PIRT: variants seen among roughly 807,000 people sequenced by gnomAD.
The protein encoded by PIRT is phosphoinositide interacting regulator of transient receptor potential channels.
In PIRT, 6 loss-of-function variants were observed where a neutral mutation model predicts 7.9. The observed-to-expected ratio is 0.76, with a 90% CI of 0.42 to 1.51. The LOEUF (loss-of-function observed/expected upper bound fraction) is 1.51. Among genes scored for constraint, PIRT ranks in the 40% most tolerant of loss-of-function variants. PIRT has a pLI of 0.01. For missense variants in PIRT, 170 were observed against 172.9 expected (o/e 0.98, Z 0.09); for synonymous variants, 78 against 71.8 (o/e 1.09, Z -0.44).
chr17:10,835,989 A>G (rs1433779905), intron 1 of PIRT, among the ~76,000 whole-genome samples: 1 of 147,012 alleles, frequency 6.8e-6, no homozygotes, highest in Non-Finnish European at 1.5e-5. Flanking sequence ...TGCAACCTCC[A>G]CCTCCCAGGT....
At chr17:10,832,139 C>A (rs540394593) in intron 1 of PIRT, among the ~76,000 whole-genome samples, 2 of 151,964 alleles carry the variant, frequency 1.3e-5, no homozygotes, top group East Asian at 3.9e-4. Context: ...ATAGTGGCTG[C>A]CTTTGGTGGG....
chr17:10,829,992 T>TATC (rs1905426580), intron 1 of PIRT, among the ~76,000 whole-genome samples: 3 of 151,304 alleles, frequency 2.0e-5, no homozygotes, highest in African/African-American at 7.4e-5. Context: ...TCTATCTATC[T>TATC]ATCTATCTAT....
At chr17:10,835,904 T>C (rs950177166) in intron 1 of PIRT, among the ~76,000 whole-genome samples, 9 of 98,684 alleles carry the variant, frequency 9.1e-5, no homozygotes, top group Middle Eastern at 5.8e-3. Context: ...CAAATCCTGA[T>C]TTTTTTTTTT....
Position 10,825,478 on chromosome 17 carries a change from G to C in PIRT, c.168C>G (p.Ile56Met). ...RSNWEIYRKP[I>M]VIMSVGGAIL... Reference sequence around the variant, plus strand: ...TGGCACCGCCCACTGACATGATAACGATGGGCTTGCGGTAGATTTCCCAGT... The same window carrying C: ...TGGCACCGCCCACTGACATGATAACCATGGGCTTGCGGTAGATTTCCCAGT... Residue 56 changes from isoleucine (I) to methionine (M), a missense_variant, in exon 2 of 2, where the codon ATC becomes ATG. Ile to Met is a conservative substitution (Grantham distance 10). Coordinates refer to ENST00000580256, the MANE Select transcript of PIRT (RefSeq NM_001101387.2). 6.2e-7 allele frequency: 1 copy of C among 1,613,924 alleles called. No individual in the cohort carries two copies. The highest frequency in any genetic ancestry group is 1.1e-5 in the South Asian group (1 of 91,048).
intron 1 of PIRT, among the ~76,000 whole-genome samples, chr17:10,828,802 A>G (rs1050574436): frequency 5.9e-5 from 9 of 152,226 alleles, no homozygotes; most frequent in African/African-American, 2.2e-4. Context: ...CCCCAAGAAT[A>G]ATGATTCCAT....
Position 10,825,642 on chromosome 17 carries a change from T to G in PIRT, c.4A>C (p.Thr2Pro). 6.8e-7 allele frequency: 1 copy of G among 1,474,716 alleles called. No individual in the cohort carries two copies. 91.4% of individuals were successfully genotyped at this position (1,474,716 alleles called of 1,614,324 possible). ...AGAACCTTGGGGAGAGTCTCCATCG[T>G]CATGGTTGCTCAGGACTGGGCGCCT... M[T>P]METLPKVLEV... Residue 2 changes from threonine (T) to proline (P), a missense_variant, in exon 2 of 2, where the codon ACG (threonine) becomes CCG (proline). Coordinates refer to ENST00000580256, the MANE Select transcript of PIRT (RefSeq NM_001101387.2).
At chr17:10,833,251 A>G (rs1905503960) in intron 1 of PIRT, among the ~76,000 whole-genome samples, 1 of 152,230 alleles carries the variant, frequency 6.6e-6, no homozygotes, top group Non-Finnish European at 1.5e-5. Context: ...TAAATGTAAA[A>G]GGTAAAACTA....
chr17:10,836,766 C>T (rs1264081163), intron 1 of PIRT, among the ~76,000 whole-genome samples: 1 of 151,998 alleles, frequency 6.6e-6, no homozygotes, highest in Non-Finnish European at 1.5e-5. Flanking sequence ...CTGGGCCCAG[C>T]GAGGGGAGTC....
At chr17:10,832,168 G>A (rs1008688421) in intron 1 of PIRT, among the ~76,000 whole-genome samples, 6 of 152,076 alleles carry the variant, frequency 3.9e-5, no homozygotes, top group Non-Finnish European at 8.8e-5. Context: ...CTGAAATGGG[G>A]ACTTTTGAGG....
chr17:10,825,142 T>C lies in PIRT; in HGVS notation c.*90A>G. 1 of 1,478,592 alleles carries C rather than the reference T, an allele frequency of 6.8e-7. No individual in the cohort carries two copies. Among genetic ancestry groups the C allele is most frequent in the East Asian group, 2.4e-5 (1 of 42,090 alleles). 91.6% of individuals were successfully genotyped at this position (1,478,592 alleles called of 1,614,324 possible). On this transcript the variant is annotated 3_prime_UTR_variant, in exon 2 of 2. Coordinates refer to ENST00000580256, the MANE Select transcript of PIRT (RefSeq NM_001101387.2). ...GAAGAGCATTTTCCTGGATCAGTTTTATGGCACCCCACAGAGGAGACAGGG... is the reference window on the plus strand; with the variant it reads ...GAAGAGCATTTTCCTGGATCAGTTTCATGGCACCCCACAGAGGAGACAGGG...
rs768342252 is a variant in PIRT at position 10,825,189 on chromosome 17, A to G, written c.*43T>C. The G allele has an allele frequency of 1.9e-6, 3 of 1,596,240 alleles. No individual in the cohort carries two copies. The highest frequency in any genetic ancestry group is 1.7e-5 in the Admixed American group (1 of 59,236). ...AGGGATGTCGGATGTTGGTCATCAG[A>G]TCTTCTCCCAGTCAAGGTGGCAGGG... On this transcript the variant is annotated 3_prime_UTR_variant, in exon 2 of 2. Coordinates refer to ENST00000580256, the MANE Select transcript of PIRT (RefSeq NM_001101387.2).
In PIRT at chr17:10,827,150, C is replaced by T. The variant is rs187560213; in HGVS notation, c.-138-1367G>A. On this transcript the variant is annotated intron_variant, in intron 1 of 1. Transcript: ENST00000580256. ...CTTCTAAGATCTAAACGCCACCCTTCCCTACCCTCCATGTTAATTACATCA... is the reference window on the plus strand; with the variant it reads ...CTTCTAAGATCTAAACGCCACCCTTTCCTACCCTCCATGTTAATTACATCA... Among the ~76,000 whole-genome samples, 658 of 152,300 alleles carry T rather than the reference C, an allele frequency of 4.3e-3. 1 individual carries two copies. The highest frequency in any genetic ancestry group is 6.1e-3 in the Non-Finnish European group (417 of 68,026).
At position 10,825,222 on chromosome 17, in the gene PIRT, G is replaced by A. The variant is rs754098215; in HGVS notation, c.*10C>T. 1.9e-6 allele frequency: 3 copies of A among 1,612,034 alleles called. No individual in the cohort carries two copies. Among genetic ancestry groups the A allele is most frequent in the Non-Finnish European group, 2.5e-6 (3 of 1,178,424 alleles). On this transcript the variant is annotated 3_prime_UTR_variant, in exon 2 of 2. Coordinates refer to ENST00000580256, the MANE Select transcript of PIRT (RefSeq NM_001101387.2). Reference sequence around the variant, plus strand: ...CCAGTCAAGGTGGCAGGGAGATGCGGAAACCACCATCAGCGAGTCAGGAAG... The same window carrying A: ...CCAGTCAAGGTGGCAGGGAGATGCGAAAACCACCATCAGCGAGTCAGGAAG...
rs955972068 is a variant in PIRT, at chr17:10,825,129, C to T, written c.*103G>A. The T allele has an allele frequency of 2.8e-6, 4 of 1,412,848 alleles. No homozygotes were observed. In the African/African-American group the frequency reaches 5.7e-5, roughly 20 times the overall value. The allele number at this position is 1,412,848 out of a possible 1,614,324, so 87.5% of individuals were successfully genotyped here. ...CCCACAGGGTCAGGAAGAGCATTTT[C>T]CTGGATCAGTTTTATGGCACCCCAC... is the stretch of plus-strand genomic sequence containing the variant. On this transcript the variant is annotated 3_prime_UTR_variant, in exon 2 of 2. Transcript: ENST00000580256.
chr17:10,833,068 AAC>A (rs1284558995), intron 1 of PIRT, among the ~76,000 whole-genome samples: 4 of 152,204 alleles, frequency 2.6e-5, no homozygotes, highest in African/African-American at 9.6e-5. Context: ...GGGTGGAAAA[AAC>A]ACAGAGGACA....
At chr17:10,827,793 T>C (rs181490915) in intron 1 of PIRT, among the ~76,000 whole-genome samples, 403 of 152,190 alleles carry the variant, frequency 2.6e-3, no homozygotes, top group Non-Finnish European at 4.8e-3. Flanking sequence ...AGCCTTTCAT[T>C]TCATAATCAG....
rs532060166 is a variant in PIRT at position 10,823,141 on chromosome 17, G to A, written c.*2091C>T. The A allele has an allele frequency of 2.9e-4, 44 of 152,286 alleles. 1 individual carries two copies. The highest frequency in any genetic ancestry group is 2.0e-3 in the Admixed American group (30 of 15,300). The allele number at this position is 152,286 out of a possible 1,614,324, so 9.4% of individuals were successfully genotyped here. ...AGGAATGCAAGAGTAATATTATAGG[G>A]CCATCAAATCTGCATTCATCTCAGA... On this transcript the variant is annotated 3_prime_UTR_variant, in exon 2 of 2. Coordinates refer to ENST00000580256, the MANE Select transcript of PIRT (RefSeq NM_001101387.2).
At chr17:10,826,717 C>G (rs75355872) in intron 1 of PIRT, among the ~76,000 whole-genome samples, 4 of 152,228 alleles carry the variant, frequency 2.6e-5, no homozygotes, top group Non-Finnish European at 1.5e-5. Flanking sequence ...TCACTCCTAC[C>G]AGGCTATGCG....
intron 1 of PIRT, among the ~76,000 whole-genome samples, chr17:10,832,350 A>G (rs968160987): frequency 1.3e-5 from 2 of 152,008 alleles, no homozygotes; most frequent in African/African-American, 2.4e-5. Flanking sequence ...GTGCCACCAT[A>G]CCCAGCTAAT....
Sources: gnomAD v4.1 joint callset for allele counts (sites outside exome capture counted in the v4.1 genomes callset) on GRCh38, gnomAD v4.1.1 for gene constraint, MANE v1.5 for transcripts, NCBI Gene and HGNC (gene_info 2026-07-23, HGNC 2026-07-21) for gene names.